FRS2: variants seen among roughly 807,000 people sequenced by gnomAD.
FRS2 encodes the protein fibroblast growth factor receptor substrate 2, also known as FGFR signalling adaptor.
In FRS2, 8 loss-of-function variants were observed where a neutral mutation model predicts 43.9. That is an observed-to-expected ratio of 0.18 (90% CI 0.11 to 0.33). FRS2 has a LOEUF of 0.33. FRS2 is among the 10% of genes least tolerant of loss of function. The pLI is 1.00. For synonymous variants in FRS2, 219 were observed against 220.3 expected, an observed-to-expected ratio of 0.99 and a Z score of 0.05; for missense variants, 534 against 627.6, an observed-to-expected ratio of 0.85 and a Z score of 1.59.
At chr12:69,521,836 G>A (rs564535371) in intron 1 of FRS2, among the ~76,000 whole-genome samples, 7 of 152,094 alleles carry the variant, frequency 4.6e-5, no homozygotes, top group East Asian at 1.9e-4. Flanking sequence ...GGATGGTCTC[G>A]ATCTCCTGAC....
At chr12:69,553,571 G>A (rs550295) in intron 3 of FRS2, among the ~76,000 whole-genome samples, 107,313 of 151,948 alleles carry the variant, frequency 0.71, 38,374 homozygotes, top group South Asian at 0.84. Context: ...TTACTAGAAC[G>A]TATTTTTCCT....
intron 1 of FRS2, among the ~76,000 whole-genome samples, chr12:69,501,311 A>G (rs944664618): frequency 2.0e-5 from 3 of 152,246 alleles, no homozygotes. Context: ...CCTGAAGTAC[A>G]GACTGCTCAT....
chr12:69,565,280 G>A (rs1880195821), intron 4 of FRS2, among the ~76,000 whole-genome samples: 1 of 152,232 alleles, frequency 6.6e-6, no homozygotes, highest in Non-Finnish European at 1.5e-5. Context: ...CGTGGATGGA[G>A]GTTACAGAAC....
chr12:69,521,660 G>C (rs1875654727), intron 1 of FRS2, among the ~76,000 whole-genome samples: 1 of 152,012 alleles, frequency 6.6e-6, no homozygotes, highest in South Asian at 2.1e-4. Context: ...CTTTCACCCA[G>C]GCTGGAGTGC....
At chr12:69,476,892 A>T (rs1317453669) in intron 1 of FRS2, among the ~76,000 whole-genome samples, 1 of 152,176 alleles carries the variant, frequency 6.6e-6, no homozygotes, top group East Asian at 1.9e-4. Context: ...AAATATTTAA[A>T]TTCTATTAGA....
intron 1 of FRS2, among the ~76,000 whole-genome samples, chr12:69,481,993 T>C (rs1313635685): frequency 1.3e-5 from 2 of 151,384 alleles, no homozygotes; most frequent in African/African-American, 4.8e-5. Context: ...TAGTGTTTTA[T>C]GGTTTTTTTT....
intron 1 of FRS2, among the ~76,000 whole-genome samples, chr12:69,472,375 G>A (rs1308677855): frequency 6.6e-6 from 1 of 151,146 alleles, no homozygotes; most frequent in East Asian, 1.9e-4. Context: ...TTACAGTTGT[G>A]AGCCACCATC....
chr12:69,567,184 C>G lies in FRS2; in HGVS notation c.-26-1821C>G, dbSNP rs1157654816. The stretch of plus-strand genomic sequence containing the variant: ...TACATCTCTCTCTCTCTCTTTCTCT[C>G]TCTCCCCCTTGATACTCACAGCTCT... On this transcript the variant is annotated intron_variant, in intron 4 of 8. Transcript: ENST00000549921. Among the ~76,000 whole-genome samples, 4 of 152,106 alleles carry G rather than the reference C, an allele frequency of 2.6e-5. No homozygotes were observed. The East Asian group carries it at 7.7e-4, about 29-fold the overall frequency.
chr12:69,482,886 A>G (rs912740062), intron 1 of FRS2, among the ~76,000 whole-genome samples: 3 of 152,158 alleles, frequency 2.0e-5, no homozygotes, highest in Non-Finnish European at 4.4e-5. Flanking sequence ...CTAGACTGCC[A>G]TTTGCCTTCT....
intron 1 of FRS2, among the ~76,000 whole-genome samples, chr12:69,503,541 C>A (rs1289304897): frequency 6.6e-6 from 1 of 152,100 alleles, no homozygotes; most frequent in Non-Finnish European, 1.5e-5. Flanking sequence ...GTGATGCAGT[C>A]GCCTCTTGTG....
chr12:69,543,376 A>G (rs1400446033), intron 3 of FRS2, among the ~76,000 whole-genome samples: 1 of 152,250 alleles, frequency 6.6e-6, no homozygotes, highest in Admixed American at 6.5e-5. Flanking sequence ...TATTCATTCA[A>G]CTAAAACTTA....
chr12:69,546,743 C>T (rs1482887301), intron 3 of FRS2, among the ~76,000 whole-genome samples: 5 of 151,878 alleles, frequency 3.3e-5, no homozygotes, highest in Admixed American at 6.6e-5. Context: ...TTGGTGAGGA[C>T]GTGGAAAAAT....
At chr12:69,485,111 A>ACGCGCGCG (rs973178570) in intron 1 of FRS2, among the ~76,000 whole-genome samples, 46 of 146,986 alleles carry the variant, frequency 3.1e-4, no homozygotes, top group African/African-American at 1.0e-3. Flanking sequence ...ACACACACAC[A>ACGCGCGCG]CACACACACA....
intron 1 of FRS2, among the ~76,000 whole-genome samples, chr12:69,517,635 C>G (rs940862471): frequency 9.3e-5 from 12 of 128,734 alleles, no homozygotes; most frequent in African/African-American, 3.7e-4. Context: ...TCCTAAAGGG[C>G]ACATAGGCCA....
rs748856959 is a variant in FRS2 at position 69,561,919 on chromosome 12, T to C, written c.-121-261T>C. Among the ~76,000 whole-genome samples, 13 of 152,316 alleles carry C rather than the reference T, an allele frequency of 8.5e-5. No individual in the cohort carries two copies. The East Asian group carries it at 1.2e-3, about 14-fold the overall frequency. On this transcript the variant is annotated intron_variant, in intron 3 of 8. Coordinates refer to ENST00000549921, the MANE Select transcript of FRS2 (RefSeq NM_001278356.2). ...AGAGAAGTGAGTTGTGCAAGTATTA[T>C]CGCTGTAGTAGAGAAGCCAGAAACA...
chr12:69,564,505 C>T (rs1880121461), intron 4 of FRS2, among the ~76,000 whole-genome samples: 1 of 152,120 alleles, frequency 6.6e-6, no homozygotes, highest in Non-Finnish European at 1.5e-5. Context: ...CTCTTGAAGA[C>T]TACAGTTTTT....
chr12:69,542,685 A>G (rs927178623), intron 3 of FRS2, among the ~76,000 whole-genome samples: 2 of 152,230 alleles, frequency 1.3e-5, no homozygotes, highest in Admixed American at 6.5e-5. Context: ...TCAGTAGACC[A>G]AAGATGTTGG....
chr12:69,485,103 A>ACGCGCG (rs1555183213), intron 1 of FRS2, among the ~76,000 whole-genome samples: 1 of 145,760 alleles, frequency 6.9e-6, no homozygotes, highest in African/African-American at 2.7e-5. Context: ...ACACACACAC[A>ACGCGCG]CACACACACA....
At position 69,574,095 on chromosome 12, in the gene FRS2, G is replaced by T; in HGVS notation, c.667G>T (p.Ala223Ser). The T allele has an allele frequency of 6.2e-7, 1 of 1,614,172 alleles. No individual in the cohort carries two copies. Among genetic ancestry groups the T allele is most frequent in the Non-Finnish European group, 8.5e-7 (1 of 1,179,974 alleles). The change falls in exon 9 of 9, where the codon GCT becomes TCT. Residue 223 changes from alanine (A) to serine (S), a missense_variant. By Grantham distance (99) the Ala-to-Ser change is moderately conservative. Coordinates refer to ENST00000549921, the MANE Select transcript of FRS2 (RefSeq NM_001278356.2). ...HVPLEARVSN[A>S]ESSTPKEEPS... is the part of the protein sequence containing the mutation. The stretch of plus-strand genomic sequence containing the variant: ...TCCATTGGAGGCGAGGGTTTCTAAC[G>T]CTGAAAGCAGCACACCAAAAGAAGA...
Sources: gnomAD v4.1 joint callset for allele counts (sites outside exome capture counted in the v4.1 genomes callset) on GRCh38, gnomAD v4.1.1 for gene constraint, MANE v1.5 for transcripts, NCBI Gene and HGNC (gene_info 2026-07-23, HGNC 2026-07-21) for gene names.